The following ATRNL1 variants were observed in gnomAD, a reference collection of about 807,000 sequenced individuals.
ATRNL1 encodes attractin like 1, also known as attractin-like protein 1.
Under a neutral mutation model 182.7 loss-of-function variants are expected in ATRNL1, and 95 were observed. The observed-to-expected ratio is 0.52, with a 90% confidence interval of 0.44 to 0.62. The LOEUF is 0.62. Among genes scored for constraint, ATRNL1 ranks in the 20% least tolerant of loss-of-function variants. ATRNL1 has a pLI of 0.00. For synonymous variants in ATRNL1, 576 were observed against 568.3 expected, an observed-to-expected ratio of 1.01 and a Z score of -0.19; for missense variants, 1,471 against 1,679.5, an observed-to-expected ratio of 0.88 and a Z score of 2.17.
chr10:115,932,362 T>G (rs1341751216), intron 28 of ATRNL1, among the ~76,000 whole-genome samples: 1 of 152,180 alleles, frequency 6.6e-6, no homozygotes, highest in Non-Finnish European at 1.5e-5. Context: ...CTCTACTGCT[T>G]TTTCCTTCAG....
chr10:115,236,656 A>G (rs912835438), intron 9 of ATRNL1, among the ~76,000 whole-genome samples: 5 of 152,112 alleles, frequency 3.3e-5, no homozygotes, highest in African/African-American at 9.7e-5. Flanking sequence ...AATGTTTCCA[A>G]ATACTCTCAT....
At chr10:115,162,385 A>C (rs1320429895) in intron 6 of ATRNL1, among the ~76,000 whole-genome samples, 1 of 152,060 alleles carries the variant, frequency 6.6e-6, no homozygotes, top group Non-Finnish European at 1.5e-5. Context: ...TTGTAGGCGC[A>C]GAAAAGAGCC....
intron 26 of ATRNL1, among the ~76,000 whole-genome samples, chr10:115,602,345 T>C (rs7915314): frequency 0.49 from 75,056 of 151,994 alleles, 19,460 homozygotes; most frequent in African/African-American, 0.6. Flanking sequence ...AAGAGCAAAA[T>C]TCAGTCTCAA....
chr10:115,373,000 A>C (rs1857475705), intron 19 of ATRNL1, among the ~76,000 whole-genome samples: 1 of 152,156 alleles, frequency 6.6e-6, no homozygotes, highest in African/African-American at 2.4e-5. Flanking sequence ...TAGTCCATGA[A>C]TACAGGATAT....
chr10:115,304,710 A>G (rs1554925641), intron 17 of ATRNL1, among the ~76,000 whole-genome samples: 1 of 152,114 alleles, frequency 6.6e-6, no homozygotes, highest in Admixed American at 6.5e-5. Context: ...TTCCCACCCT[A>G]GCCTTTTAAT....
intron 24 of ATRNL1, among the ~76,000 whole-genome samples, chr10:115,500,047 T>C (rs541186744): frequency 3.3e-5 from 5 of 152,252 alleles, no homozygotes; most frequent in East Asian, 3.9e-4. Flanking sequence ...TGAAGACTTA[T>C]GTTTATGAAG....
chr10:115,577,177 GT>G (rs1474416669), intron 26 of ATRNL1, among the ~76,000 whole-genome samples: 18 of 151,742 alleles, frequency 1.2e-4, no homozygotes, highest in African/African-American at 4.3e-4. Flanking sequence ...TTCCAACTTT[GT>G]TTTTCTTTCT....
intron 8 of ATRNL1, among the ~76,000 whole-genome samples, chr10:115,203,400 G>GC (rs1554892970): frequency 6.6e-6 from 1 of 151,954 alleles, no homozygotes; most frequent in Admixed American, 6.6e-5. Flanking sequence ...GTAAATAATA[G>GC]CCCCCTCATG....
chr10:115,155,300 C>A (rs1846455720), intron 5 of ATRNL1, among the ~76,000 whole-genome samples: 1 of 151,788 alleles, frequency 6.6e-6, no homozygotes, highest in African/African-American at 2.4e-5. Context: ...AATTTGTTTA[C>A]AATCAAGGTT....
At chr10:115,830,179 G>GGTTTTT (rs1295135045) in intron 27 of ATRNL1, among the ~76,000 whole-genome samples, 2 of 152,108 alleles carry the variant, frequency 1.3e-5, no homozygotes, top group Non-Finnish European at 2.9e-5. Flanking sequence ...AAGGGCTTTG[G>GGTTTTT]GTTTTTGTTT....
intron 25 of ATRNL1, among the ~76,000 whole-genome samples, chr10:115,547,734 A>G (rs906367849): frequency 6.6e-6 from 1 of 152,220 alleles, no homozygotes; most frequent in Admixed American, 6.5e-5. Context: ...AGAGAGTTTT[A>G]AAGAATGAAT....
At chr10:115,738,353 T>C (rs1948043308) in intron 27 of ATRNL1, among the ~76,000 whole-genome samples, 1 of 151,834 alleles carries the variant, frequency 6.6e-6, no homozygotes, top group Non-Finnish European at 1.5e-5. Flanking sequence ...TTGGCCAGGC[T>C]GGTCTTGAAC....
At chr10:115,479,042 T>C (rs1331599801) in intron 24 of ATRNL1, among the ~76,000 whole-genome samples, 2 of 151,600 alleles carry the variant, frequency 1.3e-5, no homozygotes, top group Admixed American at 1.3e-4. Flanking sequence ...AATAACTGTT[T>C]ATTTAAAAGG....
At chr10:115,538,418 A>G (rs1852166094) in intron 25 of ATRNL1, among the ~76,000 whole-genome samples, 1 of 152,176 alleles carries the variant, frequency 6.6e-6, no homozygotes. Flanking sequence ...ATCTTGTGGT[A>G]ATTTTAACTT....
chr10:115,562,133 A>G (rs1554999940), intron 26 of ATRNL1, among the ~76,000 whole-genome samples: 1 of 152,208 alleles, frequency 6.6e-6, no homozygotes, highest in Non-Finnish European at 1.5e-5. Flanking sequence ...ATGCCTAACA[A>G]CTGATGAATG....
intron 26 of ATRNL1, among the ~76,000 whole-genome samples, chr10:115,692,550 T>C (rs1946426714): frequency 6.6e-6 from 1 of 152,064 alleles, no homozygotes. Flanking sequence ...TCAAGTACTC[T>C]AAAAATAATC....
chr10:115,625,951 T>C (rs782762658), intron 26 of ATRNL1, among the ~76,000 whole-genome samples: 7 of 152,192 alleles, frequency 4.6e-5, no homozygotes, highest in Non-Finnish European at 7.4e-5. Flanking sequence ...ACTTAAACAA[T>C]CCTCACACTT....
intron 10 of ATRNL1, among the ~76,000 whole-genome samples, chr10:115,247,921 A>T (rs1850714339): frequency 6.6e-6 from 1 of 152,236 alleles, no homozygotes; most frequent in South Asian, 2.1e-4. Context: ...AGCCAGGAAC[A>T]GAAAGTTAAA....
intron 10 of ATRNL1, among the ~76,000 whole-genome samples, chr10:115,258,095 C>T (rs1851234823): frequency 6.6e-6 from 1 of 152,100 alleles, no homozygotes; most frequent in South Asian, 2.1e-4. Flanking sequence ...CTTGGGGTTG[C>T]TCTTCTTGAG....
Sources: allele counts gnomAD v4.1 joint callset (sites outside exome capture counted in the v4.1 genomes callset), GRCh38; gene constraint gnomAD v4.1.1; transcripts MANE v1.5; gene names NCBI Gene and HGNC (gene_info 2026-07-23, HGNC 2026-07-21).